FRMD4B: variants seen among roughly 807,000 people sequenced by gnomAD.
FRMD4B encodes the protein FERM domain-containing protein 4B.
In FRMD4B, 74 loss-of-function variants were observed where a neutral mutation model predicts 141.5. That is an observed-to-expected ratio of 0.52 (90% CI 0.43 to 0.63). The LOEUF (loss-of-function observed/expected upper bound fraction) is 0.63. FRMD4B is among the 30% of genes least tolerant of loss of function. FRMD4B has a pLI of 0.00. For synonymous variants in FRMD4B, 506 were observed against 467.9 expected (o/e 1.08, Z -1.05); for missense variants, 1,366 against 1,253.4 (o/e 1.09, Z -1.36).
chr3:69,460,125 C>T (rs1027905343), intron 1 of FRMD4B, among the ~76,000 whole-genome samples: 1 of 152,180 alleles, frequency 6.6e-6, no homozygotes, highest in East Asian at 1.9e-4. Flanking sequence ...TTCCATCACA[C>T]ATGTCTATCA....
intron 1 of FRMD4B, among the ~76,000 whole-genome samples, chr3:69,439,055 G>A (rs1705303674): frequency 2.1e-5 from 1 of 46,824 alleles, no homozygotes; most frequent in Non-Finnish European, 3.5e-5. Context: ...GTGTGCGTGT[G>A]TGTGTATGTG....
chr3:69,306,602 A>G (rs533575917), intron 3 of FRMD4B: 2 of 152,330 alleles, frequency 1.3e-5, no homozygotes, highest in South Asian at 4.1e-4. Flanking sequence ...AGGCCCTAAC[A>G]AGCGTAATCT....
At chr3:69,198,988 C>T in intron 11 of FRMD4B, 2 of 508,680 alleles carry the variant, frequency 3.9e-6, no homozygotes, top group Admixed American at 3.4e-5. Flanking sequence ...AGATTCACCT[C>T]GGCCGGGCGC....
intron 2 of FRMD4B, among the ~76,000 whole-genome samples, chr3:69,408,516 A>C (rs1225323557): frequency 1.3e-5 from 2 of 152,210 alleles, no homozygotes; most frequent in Non-Finnish European, 2.9e-5. Context: ...CTTGGAGAAC[A>C]TATTAGTTAA....
chr3:69,347,375 T>C (rs1278946066), intron 1 of FRMD4B, among the ~76,000 whole-genome samples: 2 of 152,028 alleles, frequency 1.3e-5, no homozygotes, highest in Admixed American at 1.3e-4. Flanking sequence ...TCCCACACAA[T>C]AATAATGGGA....
chr3:69,247,953 A>C (rs1011830182), intron 7 of FRMD4B, among the ~76,000 whole-genome samples: 1 of 148,778 alleles, frequency 6.7e-6, no homozygotes, highest in African/African-American at 2.5e-5. Flanking sequence ...CCGGCCACCC[A>C]GCTAATTTTT....
intron 5 of FRMD4B, among the ~76,000 whole-genome samples, chr3:69,258,911 G>A (rs2093509309): frequency 6.6e-6 from 1 of 152,124 alleles, no homozygotes; most frequent in Non-Finnish European, 1.5e-5. Flanking sequence ...AAGTTGTTTG[G>A]AGCAGCAGTC....
intron 5 of FRMD4B, among the ~76,000 whole-genome samples, chr3:69,283,016 C>T (rs1163760419): frequency 6.6e-6 from 1 of 152,146 alleles, no homozygotes; most frequent in Non-Finnish European, 1.5e-5. Flanking sequence ...CAATAACAGT[C>T]ATAGTGCCTT....
Position 69,485,325 on chromosome 3 carries a change from G to A in FRMD4B, c.-128-52564C>T, listed in dbSNP as rs570603867. On this transcript the variant is annotated intron_variant, in intron 1 of 5. Coordinates refer to the FRMD4B transcript ENST00000459638. ...TGCAAGGGCAAGTGGGGCCTTTGAGGCCCCCTAAGAGTGCAGGGATGCCTG... is the reference window on the plus strand; with the variant it reads ...TGCAAGGGCAAGTGGGGCCTTTGAGACCCCCTAAGAGTGCAGGGATGCCTG... Among the ~76,000 whole-genome samples, 5 of 152,300 alleles carry A rather than the reference G, an allele frequency of 3.3e-5. No homozygotes were observed. The South Asian group carries it at 8.3e-4, about 25-fold the overall frequency.
chr3:69,488,985 T>C (rs181299473), intron 1 of FRMD4B, among the ~76,000 whole-genome samples: 2 of 150,502 alleles, frequency 1.3e-5, no homozygotes, highest in East Asian at 2.0e-4. Flanking sequence ...TAGGCAACAA[T>C]TCCTTAGATG....
intron 5 of FRMD4B, chr3:69,250,322 T>TGTGTG: frequency 4.1e-6 from 2 of 486,498 alleles, no homozygotes; most frequent in Admixed American, 3.6e-5. Context: ...TGTGTGTCTA[T>TGTGTG]TTTAAATAGC....
chr3:69,317,041 C>T (rs1169703881), intron 1 of FRMD4B, among the ~76,000 whole-genome samples: 1 of 151,856 alleles, frequency 6.6e-6, no homozygotes, highest in Non-Finnish European at 1.5e-5. Flanking sequence ...GATTGCATAA[C>T]TGCACTCCAG....
intron 1 of FRMD4B, among the ~76,000 whole-genome samples, chr3:69,522,016 G>A (rs1163363661): frequency 2.0e-5 from 3 of 152,184 alleles, no homozygotes; most frequent in Non-Finnish European, 4.4e-5. Flanking sequence ...AGCAAGTTGT[G>A]AAGGCCACAC....
At chr3:69,351,297 T>C (rs896462292) in intron 1 of FRMD4B, among the ~76,000 whole-genome samples, 3 of 152,228 alleles carry the variant, frequency 2.0e-5, no homozygotes, top group East Asian at 1.9e-4. Context: ...AAAGTCTTAA[T>C]TGGAGCTTCA....
chr3:69,326,801 G>T (rs973175358), intron 1 of FRMD4B, among the ~76,000 whole-genome samples: 1 of 152,188 alleles, frequency 6.6e-6, no homozygotes, highest in African/African-American at 2.4e-5. Context: ...TTTCCAATTA[G>T]AAACTCATGT....
chr3:69,520,100 A>T (rs1233803901), intron 1 of FRMD4B, among the ~76,000 whole-genome samples: 8 of 128,096 alleles, frequency 6.2e-5, no homozygotes, highest in East Asian at 5.3e-4. Flanking sequence ...TATATATATA[A>T]AATGGACTAT....
chr3:69,338,316 A>G (rs1291546245), intron 1 of FRMD4B, among the ~76,000 whole-genome samples: 1 of 151,502 alleles, frequency 6.6e-6, no homozygotes, highest in Non-Finnish European at 1.5e-5. Context: ...GTGAGTGGGG[A>G]GAGGGGGGAG....
intron 20 of FRMD4B, 38 bp downstream of exon 20, chr3:69,182,560 T>A: frequency 1.3e-6 from 2 of 1,559,574 alleles, no homozygotes; most frequent in Non-Finnish European, 1.7e-6. Context: ...AAAGCAAAAA[T>A]CAAGACAGCT....
intron 5 of FRMD4B, among the ~76,000 whole-genome samples, chr3:69,274,533 T>C (rs1188984651): frequency 6.6e-6 from 1 of 152,160 alleles, no homozygotes; most frequent in Admixed American, 6.6e-5. Flanking sequence ...ATTTTTATTT[T>C]TTTGAGATGG....
Sources: gnomAD v4.1 joint callset for allele counts (sites outside exome capture counted in the v4.1 genomes callset) on GRCh38, gnomAD v4.1.1 for gene constraint, MANE v1.5 for transcripts, NCBI Gene and HGNC (gene_info 2026-07-23, HGNC 2026-07-21) for gene names.